The following VAV2 variants were observed in gnomAD, a reference collection of about 807,000 sequenced individuals.
The protein encoded by VAV2 is guanine nucleotide exchange factor VAV2.
VAV2 carries 67 observed loss-of-function variants against 132.5 expected under a neutral mutation model. That is an observed-to-expected ratio of 0.51 (90% CI 0.42 to 0.62). The LOEUF (loss-of-function observed/expected upper bound fraction) is 0.62. Among genes scored for constraint, VAV2 ranks in the 20% least tolerant of loss-of-function variants. The probability of loss-of-function intolerance (pLI) is 0.00; values close to 1 mark genes in which losing one functional copy is unlikely to be tolerated. For synonymous variants in VAV2, 492 were observed against 443.5 expected, an observed-to-expected ratio of 1.11 and a Z score of -1.37; for missense variants, 938 against 1,153.6, an observed-to-expected ratio of 0.81 and a Z score of 2.71.
intron 4 of VAV2, among the ~76,000 whole-genome samples, chr9:133,818,398 T>C (rs1282262675): frequency 6.7e-6 from 1 of 148,420 alleles, no homozygotes; most frequent in Non-Finnish European, 1.5e-5. Flanking sequence ...GTGGACTTGC[T>C]CTCTTCTGAA....
In VAV2 at chr9:133,896,958, G is replaced by A. The variant is rs1410323249; in HGVS notation, c.322-35526C>T. Reference sequence around the variant, plus strand: ...AAATACAAAAAATTAGCCCGGCGTGGTGGCGGGCGCCTGTAGTCCCAGCTA... The same window carrying A: ...AAATACAAAAAATTAGCCCGGCGTGATGGCGGGCGCCTGTAGTCCCAGCTA... On this transcript the variant is annotated intron_variant, in intron 2 of 29. Transcript: ENST00000371850. Among the ~76,000 whole-genome samples, 5 of 152,040 alleles carry A rather than the reference G, an allele frequency of 3.3e-5. 1 individual carries two copies. Among genetic ancestry groups the A allele is most frequent in the African/African-American group, 7.3e-5 (3 of 41,346 alleles).
chr9:133,942,959 C>A lies in VAV2; in HGVS notation c.205-3740G>T, dbSNP rs1023613773. On this transcript the variant is annotated intron_variant, in intron 1 of 29. Transcript: ENST00000371850. ...AGGCTCCACCTCGAGGGAGGCCACA[C>A]ACGGCCCGGCCTCCCTTCAGGGAGC... Among the ~76,000 whole-genome samples the A allele has an allele frequency of 2.0e-5, 3 of 152,244 alleles. No homozygotes were observed. The South Asian group carries it at 6.2e-4, about 31-fold the overall frequency.
At chr9:133,831,104 G>C (rs1488479230) in intron 4 of VAV2, among the ~76,000 whole-genome samples, 1 of 152,184 alleles carries the variant, frequency 6.6e-6, no homozygotes, top group East Asian at 1.9e-4. Context: ...TTTGGTTCAA[G>C]AGATCAGTCA....
intron 2 of VAV2, among the ~76,000 whole-genome samples, chr9:133,887,184 AC>A (rs1403550710): frequency 6.6e-6 from 1 of 152,054 alleles, no homozygotes; most frequent in Non-Finnish European, 1.5e-5. Context: ...GCAGGAAGGG[AC>A]CTCTTCACCT....
intron 23 of VAV2, 32 bp from the exon 24 acceptor site, chr9:133,776,112 C>G (rs766243962): frequency 6.2e-7 from 1 of 1,610,742 alleles, no homozygotes; most frequent in Admixed American, 1.7e-5. Context: ...GTTAACGGCC[C>G]CCCAGGGCCA....
At chr9:133,815,686 A>ACC (rs1275832601) in intron 4 of VAV2, among the ~76,000 whole-genome samples, 3 of 152,100 alleles carry the variant, frequency 2.0e-5, no homozygotes, top group African/African-American at 7.2e-5. Context: ...ACAACGTGCT[A>ACC]CCCATCTTCC....
chr9:133,781,620 C>T (rs531128292), intron 19 of VAV2, among the ~76,000 whole-genome samples: 12 of 152,308 alleles, frequency 7.9e-5, no homozygotes, highest in South Asian at 4.1e-4. Flanking sequence ...AAACCAGCCT[C>T]GGCAGAGCCC....
chr9:133,812,857 C>T (rs549757622), intron 4 of VAV2, among the ~76,000 whole-genome samples: 3 of 152,232 alleles, frequency 2.0e-5, no homozygotes, highest in Admixed American at 6.5e-5. Context: ...ACTCAGCTCA[C>T]GGGCCACCTC....
At chr9:133,949,322 C>A (rs1361043079) in intron 1 of VAV2, among the ~76,000 whole-genome samples, 1 of 152,186 alleles carries the variant, frequency 6.6e-6, no homozygotes, top group Non-Finnish European at 1.5e-5. Context: ...ACACTTTCCA[C>A]AAGGTCTCCT....
rs1338401721 is a variant in VAV2 at position 133,935,976 on chromosome 9, G to A, written c.321+3127C>T. Among the ~76,000 whole-genome samples the A allele has an allele frequency of 6.6e-6, 1 of 152,254 alleles. No homozygotes were observed. The highest frequency in any genetic ancestry group is 2.4e-5 in the African/African-American group (1 of 41,474). On this transcript the variant is annotated intron_variant, in intron 2 of 29. Transcript: ENST00000371850. The surrounding 1 kb of genome is among the most constrained non-coding windows in gnomAD (Gnocchi z 5.2). ...AGGCAAAGGGCATGGCTCAGATGCG[G>A]AGACCAGAAGCAGCAAGGCCCCAGA... is the stretch of plus-strand genomic sequence containing the variant.
At position 133,797,822 on chromosome 9, in the gene VAV2, C is replaced by A. The variant is rs1165781856; in HGVS notation, c.837-13G>T. On this transcript the variant is annotated splice_polypyrimidine_tract_variant and intron_variant, in intron 9 of 29. Coordinates refer to ENST00000371850, the MANE Select transcript of VAV2 (RefSeq NM_001134398.2). ...GTAGATCAGAAGCCTGGACGGTGCA[C>A]ACACACGCACACACGCACACAGATT... 1 of 1,601,660 alleles carries A rather than the reference C, an allele frequency of 6.2e-7. No individual in the cohort carries two copies. The highest frequency in any genetic ancestry group is 1.1e-5 in the South Asian group (1 of 89,366).
At chr9:133,843,099 G>T (rs780869691) in intron 3 of VAV2, among the ~76,000 whole-genome samples, 1 of 152,186 alleles carries the variant, frequency 6.6e-6, no homozygotes, top group Admixed American at 6.5e-5. Flanking sequence ...AGCCCAGCAG[G>T]GCTATCACAA....
chr9:133,858,485 C>T (rs529159940), intron 3 of VAV2, among the ~76,000 whole-genome samples: 4 of 152,240 alleles, frequency 2.6e-5, no homozygotes, highest in South Asian at 4.2e-4. Flanking sequence ...GGCTCCACCC[C>T]GGGGCCTTTT....
At chr9:133,979,598 A>ACGGC (rs915443233) in intron 1 of VAV2, among the ~76,000 whole-genome samples, 5 of 152,182 alleles carry the variant, frequency 3.3e-5, no homozygotes, top group African/African-American at 1.2e-4. Flanking sequence ...GCCCGGAGCC[A>ACGGC]CGGCCGCCGG....
chr9:133,943,054 G>A (rs187722004), intron 1 of VAV2, among the ~76,000 whole-genome samples: 21 of 152,366 alleles, frequency 1.4e-4, no homozygotes, highest in Middle Eastern at 3.4e-3. Context: ...AGTTAAGGAC[G>A]TGGGCACCTG....
intron 3 of VAV2, among the ~76,000 whole-genome samples, chr9:133,848,949 G>A (rs1266428670): frequency 6.6e-6 from 1 of 152,178 alleles, no homozygotes; most frequent in Non-Finnish European, 1.5e-5. Context: ...ATGATCTCAC[G>A]TCTCATCTGC....
chr9:133,835,468 C>T (rs1378735853), intron 3 of VAV2, among the ~76,000 whole-genome samples: 1 of 152,158 alleles, frequency 6.6e-6, no homozygotes, highest in Non-Finnish European at 1.5e-5. Flanking sequence ...GAAGAGGGGG[C>T]TGCAGCTGGC....
chr9:133,813,988 C>T (rs1564372069), intron 4 of VAV2, among the ~76,000 whole-genome samples: 1 of 152,204 alleles, frequency 6.6e-6, no homozygotes, highest in Non-Finnish European at 1.5e-5. Context: ...GTGGCCCTCG[C>T]TCACTATCCT....
intron 1 of VAV2, among the ~76,000 whole-genome samples, chr9:133,990,269 T>G (rs931198138): frequency 2.6e-5 from 4 of 152,084 alleles, no homozygotes; most frequent in Non-Finnish European, 1.5e-5. Context: ...GCGGGACCCC[T>G]AGACACCCGT....
Sources: allele counts gnomAD v4.1 joint callset (sites outside exome capture counted in the v4.1 genomes callset), GRCh38; gene constraint gnomAD v4.1.1; non-coding constraint Gnocchi (gnomAD v3.1); transcripts MANE v1.5; gene names NCBI Gene and HGNC (gene_info 2026-07-23, HGNC 2026-07-21).